The following GABRP variants were observed in gnomAD, a reference collection of about 807,000 sequenced individuals.
The protein encoded by GABRP is gamma-aminobutyric acid type A receptor subunit pi, also known as gamma-aminobutyric acid receptor subunit pi.
In GABRP, 52 loss-of-function variants were observed where a neutral mutation model predicts 47.8. The observed-to-expected ratio is 1.09, with a 90% CI of 0.87 to 1.37. The LOEUF (loss-of-function observed/expected upper bound fraction) is 1.37, where lower values mean the gene tolerates loss of function less well. Among genes scored for constraint, GABRP ranks in the 40% most tolerant of loss-of-function variants. GABRP has a pLI of 0.00. For synonymous variants in GABRP, 221 were observed against 205.8 expected, an observed-to-expected ratio of 1.07 and a Z score of -0.63; for missense variants, 525 against 542.8, an observed-to-expected ratio of 0.97 and a Z score of 0.33.
At chr5:170,791,036 G>A (rs980607380) in intron 3 of GABRP, among the ~76,000 whole-genome samples, 5 of 152,202 alleles carry the variant, frequency 3.3e-5, no homozygotes, top group East Asian at 3.9e-4. Flanking sequence ...TGACAAGCAC[G>A]TGAGTCTGCA....
At position 170,809,653 on chromosome 5, in the gene GABRP, C is replaced by A; in HGVS notation, c.918C>A (p.Ile306=). 1 of 1,614,148 alleles carries A rather than the reference C, an allele frequency of 6.2e-7. No individual in the cohort carries two copies. The highest frequency in any genetic ancestry group is 8.5e-7 in the Non-Finnish European group (1 of 1,179,992). The change falls in exon 9 of 10, where the codon ATC becomes ATA. Residue 306 remains isoleucine (I), a synonymous_variant. Coordinates refer to ENST00000265294, the MANE Select transcript of GABRP (RefSeq NM_014211.3). ...LPNTNCFIKA[I]DVYLGICFSF... ...ACACCAACTGCTTCATCAAGGCCATCGATGTGTACCTGGGGATCTGCTTTA... is the reference window on the plus strand; with the variant it reads ...ACACCAACTGCTTCATCAAGGCCATAGATGTGTACCTGGGGATCTGCTTTA...
chr5:170,802,171 T>A (rs982984144), intron 6 of GABRP, among the ~76,000 whole-genome samples: 39 of 152,220 alleles, frequency 2.6e-4, no homozygotes, highest in Non-Finnish European at 2.9e-5. Flanking sequence ...TAGGTTGATG[T>A]GTGATGAATG....
intron 1 of GABRP, among the ~76,000 whole-genome samples, chr5:170,784,757 T>A (rs1075966): frequency 1.3e-5 from 2 of 152,052 alleles, no homozygotes; most frequent in African/African-American, 4.8e-5. Context: ...ATTTGTCAGA[T>A]GGGAAAACTG....
chr5:170,801,858 G>A (rs1052514835), intron 6 of GABRP, among the ~76,000 whole-genome samples: 1 of 105,328 alleles, frequency 9.5e-6, no homozygotes, highest in African/African-American at 3.7e-5. Flanking sequence ...AAAGTAATGG[G>A]GGGGGGGTCA....
intron 9 of GABRP, among the ~76,000 whole-genome samples, chr5:170,810,485 C>A (rs997215632): frequency 3.3e-5 from 5 of 152,176 alleles, no homozygotes; most frequent in African/African-American, 1.2e-4. Flanking sequence ...GGGATTCCAA[C>A]CTAAACCTAC....
chr5:170,786,496 C>T (rs1765134713), intron 1 of GABRP, among the ~76,000 whole-genome samples: 1 of 152,132 alleles, frequency 6.6e-6, no homozygotes, highest in African/African-American at 2.4e-5. Flanking sequence ...CCATGAGACA[C>T]CTTGCAGCCA....
chr5:170,806,733 C>T (rs967724456), intron 7 of GABRP, among the ~76,000 whole-genome samples: 13 of 151,906 alleles, frequency 8.6e-5, no homozygotes, highest in Admixed American at 5.9e-4. Flanking sequence ...TGAGCCACCG[C>T]GCCCGGCCTA....
chr5:170,792,034 T>C (rs559420036), intron 3 of GABRP, among the ~76,000 whole-genome samples: 1 of 152,338 alleles, frequency 6.6e-6, no homozygotes, highest in South Asian at 2.1e-4. Flanking sequence ...TAATCACCTC[T>C]TAAGGGTCCT....
At chr5:170,811,354 A>T (rs563512996) in intron 9 of GABRP, among the ~76,000 whole-genome samples, 1 of 151,642 alleles carries the variant, frequency 6.6e-6, no homozygotes, top group Non-Finnish European at 1.5e-5. Context: ...GACCCCAGCC[A>T]TGTTGGAGAA....
chr5:170,809,005 C>T (rs529300413), intron 8 of GABRP, among the ~76,000 whole-genome samples: 4 of 152,088 alleles, frequency 2.6e-5, no homozygotes, highest in Non-Finnish European at 5.9e-5. Context: ...GGCGTGATCT[C>T]GGCTCACTGC....
intron 3 of GABRP, among the ~76,000 whole-genome samples, chr5:170,790,608 G>T (rs1765238621): frequency 6.6e-6 from 1 of 152,102 alleles, no homozygotes; most frequent in Non-Finnish European, 1.5e-5. Flanking sequence ...TGTCAGACCT[G>T]CAGGTCTGGC....
chr5:170,811,455 A>C (rs934376556), intron 9 of GABRP, among the ~76,000 whole-genome samples: 5 of 151,970 alleles, frequency 3.3e-5, no homozygotes, highest in African/African-American at 1.2e-4. Context: ...ATCTCTCGTA[A>C]TCAGTTACTC....
At chr5:170,794,754 C>A (rs991886934) in intron 4 of GABRP, among the ~76,000 whole-genome samples, 15 of 151,856 alleles carry the variant, frequency 9.9e-5, no homozygotes, top group African/African-American at 2.7e-4. Context: ...GAGACAAGGG[C>A]AAACTAAAGG....
intron 6 of GABRP, among the ~76,000 whole-genome samples, chr5:170,801,833 G>T (rs1327255357): frequency 7.0e-6 from 1 of 142,272 alleles, no homozygotes; most frequent in Non-Finnish European, 1.5e-5. Context: ...ATAACAGAAT[G>T]AGTTACAACA....
At chr5:170,791,978 G>T (rs1370170066) in intron 3 of GABRP, among the ~76,000 whole-genome samples, 2 of 152,184 alleles carry the variant, frequency 1.3e-5, no homozygotes, top group African/African-American at 4.8e-5. Context: ...GACAGGAGAG[G>T]GCTGAACTTG....
intron 9 of GABRP, chr5:170,810,135 CTTAAA>C (rs1275567890): frequency 4.3e-5 from 21 of 485,926 alleles, no homozygotes; most frequent in Admixed American, 7.0e-5. Context: ...TTATTTTGTC[CTTAAA>C]TTATACAAGT....
intron 8 of GABRP, 77 bp from the exon 9 acceptor site, chr5:170,809,491 A>G: frequency 6.9e-7 from 1 of 1,453,196 alleles, no homozygotes; most frequent in South Asian, 1.2e-5. Flanking sequence ...CCAATTCTCA[A>G]ATGGGGACAC....
chr5:170,797,271 G>C (rs1448212943), intron 5 of GABRP, among the ~76,000 whole-genome samples, 195 bp from the exon 6 acceptor site: 2 of 152,158 alleles, frequency 1.3e-5, no homozygotes, highest in Non-Finnish European at 2.9e-5. Context: ...CTCCACTCTG[G>C]ACCCAGGTTT....
chr5:170,797,405 GAATGTGAACTTTCT>G (rs1765459149), intron 5 of GABRP, 47 bp from the exon 6 acceptor site: 2 of 1,037,580 alleles, frequency 1.9e-6, no homozygotes, highest in Non-Finnish European at 3.1e-6. Flanking sequence ...GCCTTCGAAG[GAATGTGAACTTTCT>G]ATAACTTCCT....
Sources: gnomAD v4.1 joint callset for allele counts (sites outside exome capture counted in the v4.1 genomes callset) on GRCh38, gnomAD v4.1.1 for gene constraint, MANE v1.5 for transcripts, NCBI Gene and HGNC (gene_info 2026-07-23, HGNC 2026-07-21) for gene names.